The following SAMD8 variants were observed in gnomAD, a reference collection of about 807,000 sequenced individuals.
SAMD8 encodes the protein sphingomyelin synthase-related protein 1.
In SAMD8, 20 loss-of-function variants were observed where a neutral mutation model predicts 42.0. The observed-to-expected ratio is 0.48, with a 90% confidence interval of 0.34 to 0.69. The LOEUF is 0.69. Among genes scored for constraint, SAMD8 ranks in the 30% least tolerant of loss-of-function variants. The pLI, the probability that SAMD8 is intolerant of heterozygous loss-of-function variation, is 0.01. For missense variants in SAMD8, 328 were observed against 511.6 expected (o/e 0.64, Z 3.46); for synonymous variants, 162 against 173.0 (o/e 0.94, Z 0.50).
At chr10:75,115,750 C>T (rs965695904) in intron 1 of SAMD8, among the ~76,000 whole-genome samples, 9 of 152,068 alleles carry the variant, frequency 5.9e-5, no homozygotes, top group South Asian at 2.1e-4. Flanking sequence ...ACCATCCTGG[C>T]GAACACGGTG....
intron 2 of SAMD8, among the ~76,000 whole-genome samples, chr10:75,159,223 A>C (rs1840500815): frequency 6.6e-6 from 1 of 151,664 alleles, no homozygotes; most frequent in South Asian, 2.1e-4. Flanking sequence ...ACACCCAGCT[A>C]ATTTTTGTAT....
rs114883441 is a variant in SAMD8 at position 75,126,323 on chromosome 10, G to A, written c.-16+14601G>A. On this transcript the variant is annotated intron_variant, in intron 1 of 5. Transcript: ENST00000542569. Reference sequence around the variant, plus strand: ...ACTTTATTAGTCTTTTGAGGATTGAGTGAACTAATTATGACTCTCTTTAAT... The same window carrying A: ...ACTTTATTAGTCTTTTGAGGATTGAATGAACTAATTATGACTCTCTTTAAT... Among the ~76,000 whole-genome samples, 1,028 of 152,206 alleles carry A rather than the reference G, an allele frequency of 6.8e-3. 13 individuals carry two copies. The highest frequency in any genetic ancestry group is 0.024 in the African/African-American group (984 of 41,510).
chr10:75,140,858 A>G (rs1839994241), intron 1 of SAMD8, among the ~76,000 whole-genome samples: 1 of 152,196 alleles, frequency 6.6e-6, no homozygotes, highest in African/African-American at 2.4e-5. Context: ...TCCTCTTAAC[A>G]GTATTGATTC....
At chr10:75,105,414 G>T (rs1848432406) in intron 1 of SAMD8, among the ~76,000 whole-genome samples, 1 of 152,174 alleles carries the variant, frequency 6.6e-6, no homozygotes, top group Non-Finnish European at 1.5e-5. Flanking sequence ...GATCCAGGTG[G>T]GGTGGGGGAT....
chr10:75,141,125 C>T (rs2134461230), intron 1 of SAMD8, among the ~76,000 whole-genome samples: 1 of 152,228 alleles, frequency 6.6e-6, no homozygotes, highest in South Asian at 2.1e-4. Flanking sequence ...GGTGAATCTC[C>T]TGAGCTCAGG....
At chr10:75,135,494 A>G (rs1849374898) in intron 1 of SAMD8, among the ~76,000 whole-genome samples, 1 of 151,232 alleles carries the variant, frequency 6.6e-6, no homozygotes, top group African/African-American at 2.4e-5. Context: ...ATAAATGTGT[A>G]CAATTATGTG....
At chr10:75,174,192 C>T (rs540723716) in intron 4 of SAMD8, among the ~76,000 whole-genome samples, 26 of 152,182 alleles carry the variant, frequency 1.7e-4, no homozygotes, top group Admixed American at 2.6e-4. Flanking sequence ...TGCAGTGGCG[C>T]GATCTCTGTT....
chr10:75,105,532 A>T, intron 1 of SAMD8: 1 of 943,096 alleles, frequency 1.1e-6, no homozygotes, highest in Non-Finnish European at 1.6e-6. Context: ...GCCCCCTTTA[A>T]TCCTCACTTC....
intron 1 of SAMD8, among the ~76,000 whole-genome samples, chr10:75,118,002 T>C (rs1473686022): frequency 6.6e-6 from 1 of 151,904 alleles, no homozygotes; most frequent in Non-Finnish European, 1.5e-5. Context: ...TGCAGCCTGA[T>C]AGTAGAAGTT....
At chr10:75,175,634 C>T (rs982610307) in intron 4 of SAMD8, among the ~76,000 whole-genome samples, 5 of 151,994 alleles carry the variant, frequency 3.3e-5, no homozygotes, top group Admixed American at 1.3e-4. Flanking sequence ...CTGCAACCTC[C>T]GCCTCCCAGG....
At chr10:75,142,052 A>G (rs1840028278) in intron 1 of SAMD8, among the ~76,000 whole-genome samples, 1 of 151,888 alleles carries the variant, frequency 6.6e-6, no homozygotes, top group South Asian at 2.1e-4. Context: ...GGTTCAAGCA[A>G]TTCTCCTGCC....
intron 2 of SAMD8, among the ~76,000 whole-genome samples, chr10:75,159,010 G>A (rs1840487923): frequency 6.6e-6 from 1 of 151,102 alleles, no homozygotes; most frequent in Non-Finnish European, 1.5e-5. Flanking sequence ...TAATAATGCT[G>A]CTATGAACAT....
intron 1 of SAMD8, among the ~76,000 whole-genome samples, chr10:75,134,950 A>C (rs1382148326): frequency 6.6e-6 from 1 of 151,972 alleles, no homozygotes; most frequent in Non-Finnish European, 1.5e-5. Context: ...AGTCCCCGCT[A>C]CTCAGGAGGC....
intron 1 of SAMD8, among the ~76,000 whole-genome samples, chr10:75,129,413 G>A (rs1589943156): frequency 6.6e-6 from 1 of 151,972 alleles, no homozygotes; most frequent in East Asian, 1.9e-4. Flanking sequence ...GATAATTTTT[G>A]TATTTTTAAT....
intron 1 of SAMD8, among the ~76,000 whole-genome samples, chr10:75,119,734 T>C (rs1244105458): frequency 6.6e-6 from 1 of 152,186 alleles, no homozygotes; most frequent in Non-Finnish European, 1.5e-5. Context: ...AGTAAGCATA[T>C]TGTAAAGGTT....
rs188700451 is a variant in SAMD8 at position 75,116,503 on chromosome 10, T to A, written c.-16+4781T>A. 5.0e-4 allele frequency among the ~76,000 whole-genome samples: 76 copies of A among 152,350 alleles called. 2 individuals carry two copies. The highest frequency in any genetic ancestry group is 4.6e-3 in the Admixed American group (70 of 15,308). On this transcript the variant is annotated intron_variant, in intron 1 of 5. Transcript: ENST00000542569. ...TACTTGTTCTGTTGTCTTGAAATTT[T>A]TGACAGATAAATTCTAGTTGGAGGT... is the stretch of plus-strand genomic sequence containing the variant.
At chr10:75,114,261 C>T (rs1191329823) in intron 1 of SAMD8, among the ~76,000 whole-genome samples, 1 of 151,676 alleles carries the variant, frequency 6.6e-6, no homozygotes, top group Non-Finnish European at 1.5e-5. Context: ...ATCTCTTGAA[C>T]CCGGGAAGCA....
intron 4 of SAMD8, among the ~76,000 whole-genome samples, chr10:75,170,548 G>A (rs1267550918): frequency 1.3e-5 from 2 of 151,630 alleles, no homozygotes; most frequent in Admixed American, 1.3e-4. Context: ...GCTGTTTTGA[G>A]GTCTTTTTTT....
chr10:75,148,187 C>G (rs1053654285), intron 1 of SAMD8, among the ~76,000 whole-genome samples: 1 of 152,078 alleles, frequency 6.6e-6, no homozygotes, highest in Admixed American at 6.5e-5. Flanking sequence ...CCCTGACATT[C>G]ATCTGTGGGT....
Sources: gnomAD v4.1 joint callset for allele counts (sites outside exome capture counted in the v4.1 genomes callset) on GRCh38, gnomAD v4.1.1 for gene constraint, MANE v1.5 for transcripts, NCBI Gene and HGNC (gene_info 2026-07-23, HGNC 2026-07-21) for gene names.